MGRN1: variants seen among roughly 807,000 people sequenced by gnomAD.
MGRN1 encodes the protein E3 ubiquitin-protein ligase MGRN1.
A neutral mutation model predicts 69.2 loss-of-function variants in MGRN1; 29 were observed. The observed-to-expected ratio is 0.42, with a 90% confidence interval of 0.31 to 0.57. The LOEUF is 0.57. Among genes scored for constraint, MGRN1 ranks in the 20% least tolerant of loss-of-function variants. The pLI is 0.15. For missense variants in MGRN1, 998 were observed against 796.2 expected, an observed-to-expected ratio of 1.25 and a Z score of -3.05; for synonymous variants, 470 against 344.2, an observed-to-expected ratio of 1.37 and a Z score of -4.04.
intron 10 of MGRN1, 64 bp from the exon 11 acceptor site, chr16:4,677,399 G>T (rs377309672): frequency 0.02 from 27,008 of 1,339,450 alleles, 354 homozygotes; most frequent in Non-Finnish European, 0.023. Flanking sequence ...CCCTGGGGCT[G>T]GGAGGGTCCC....
At chr16:4,680,935 T>C (rs2079169054) in intron 12 of MGRN1, among the ~76,000 whole-genome samples, 1 of 152,178 alleles carries the variant, frequency 6.6e-6, no homozygotes, top group African/African-American at 2.4e-5. Flanking sequence ...CAACCTGGTT[T>C]TGTGGGGACA....
Position 4,657,344 on chromosome 16 carries a change from C to G in MGRN1, c.542C>G (p.Ser181Trp). 6.2e-7 allele frequency: 1 copy of G among 1,614,024 alleles called. No individual in the cohort carries two copies. The highest frequency in any genetic ancestry group is 8.5e-7 in the Non-Finnish European group (1 of 1,179,894). ...FSLPSFKIDF[S>W]EWKDDELNFD... Reference sequence around the variant, plus strand: ...CTGCCCTCCTTCAAGATTGACTTCTCGGAATGGAAGGATGACGAGGTAATG... The same window carrying G: ...CTGCCCTCCTTCAAGATTGACTTCTGGGAATGGAAGGATGACGAGGTAATG... The change falls in exon 5 of 17, where the codon TCG becomes TGG. Residue 181 changes from serine to tryptophan, a missense_variant. Coordinates refer to ENST00000262370, the MANE Select transcript of MGRN1 (RefSeq NM_015246.4).
intron 8 of MGRN1, 69 bp downstream of exon 8, chr16:4,668,381 A>T (rs1391112668): frequency 2.0e-6 from 3 of 1,525,208 alleles, no homozygotes; most frequent in Admixed American, 1.7e-5. Flanking sequence ...TCACACGCAT[A>T]CTCATACATA....
intron 10 of MGRN1, among the ~76,000 whole-genome samples, chr16:4,674,439 C>T (rs1192099169): frequency 6.6e-6 from 1 of 151,618 alleles, no homozygotes; most frequent in African/African-American, 2.4e-5. Context: ...CAGCCCTGCA[C>T]CACCATGCCT....
chr16:4,637,726 G>T (rs1279019632), intron 1 of MGRN1, among the ~76,000 whole-genome samples: 1 of 152,246 alleles, frequency 6.6e-6, no homozygotes, highest in African/African-American at 2.4e-5. Flanking sequence ...CGTGTGTGAG[G>T]CCATCGCCAC....
chr16:4,660,843 G>GC (rs2078661468), intron 5 of MGRN1, among the ~76,000 whole-genome samples: 1 of 152,144 alleles, frequency 6.6e-6, no homozygotes, highest in African/African-American at 2.4e-5. Flanking sequence ...GCCCTGACAG[G>GC]CCCCCCAGAC....
chr16:4,672,266 C>CA lies in MGRN1; in HGVS notation c.795+810dup, dbSNP rs529798411. The CA allele has an allele frequency of 5.4e-3, 2,373 of 439,300 alleles. 11 individuals are homozygous for CA. Among genetic ancestry groups the CA allele is most frequent in the Non-Finnish European group, 7.4e-3 (1,609 of 217,494 alleles). 27.2% of individuals were successfully genotyped at this position (439,300 alleles called of 1,614,324 possible). The stretch of plus-strand genomic sequence containing the variant: ...TTCACTATGTTGGCCAGGCTGGTCT[C>CA]AAACTTCTGATCTCAAGTGATCTGC... On this transcript the variant is annotated intron_variant, in intron 9 of 16. Coordinates refer to ENST00000262370, the MANE Select transcript of MGRN1 (RefSeq NM_015246.4).
intron 12 of MGRN1, among the ~76,000 whole-genome samples, chr16:4,680,921 C>A (rs946290839): frequency 6.6e-6 from 1 of 152,210 alleles, no homozygotes; most frequent in African/African-American, 2.4e-5. Context: ...AGCGTTGTGC[C>A]CCTCAACCTG....
chr16:4,680,396 C>G (rs981210484), intron 12 of MGRN1: 26 of 384,734 alleles, frequency 6.8e-5, no homozygotes, highest in Non-Finnish European at 1.1e-4. Context: ...ATGGACGTTG[C>G]AGGCGGAACT....
chr16:4,676,421 C>T (rs2141960946), intron 10 of MGRN1, among the ~76,000 whole-genome samples: 1 of 152,296 alleles, frequency 6.6e-6, no homozygotes, highest in East Asian at 1.9e-4. Flanking sequence ...AGGGAGGGTG[C>T]CCTGAACCGA....
At chr16:4,651,161 A>G (rs1013061696) in intron 2 of MGRN1, 1 of 152,242 alleles carries the variant, frequency 6.6e-6, no homozygotes, top group African/African-American at 2.4e-5. Context: ...GGCAAGAGAC[A>G]TGGTCCAAAG....
intron 5 of MGRN1, among the ~76,000 whole-genome samples, chr16:4,660,709 G>C (rs1490068083): frequency 6.6e-6 from 1 of 152,256 alleles, no homozygotes; most frequent in Non-Finnish European, 1.5e-5. Context: ...CGGGCTTCAT[G>C]ACAGCCCTTG....
intron 2 of MGRN1, among the ~76,000 whole-genome samples, chr16:4,651,589 G>T (rs1348247378): frequency 6.6e-6 from 1 of 152,098 alleles, no homozygotes; most frequent in Non-Finnish European, 1.5e-5. Flanking sequence ...GGGTTGCTGA[G>T]CTGTGCTCGT....
At chr16:4,655,728 T>C (rs2078522342) in intron 4 of MGRN1, among the ~76,000 whole-genome samples, 1 of 152,112 alleles carries the variant, frequency 6.6e-6, no homozygotes, top group South Asian at 2.1e-4. Flanking sequence ...ACCTGGAGGC[T>C]CCAGGACCTG....
chr16:4,638,831 C>T (rs979128793), intron 1 of MGRN1, among the ~76,000 whole-genome samples: 1 of 152,222 alleles, frequency 6.6e-6, no homozygotes. Context: ...GGCCTTCCCA[C>T]TCCCCCTTCC....
chr16:4,641,859 G>T (rs544024066), intron 1 of MGRN1, among the ~76,000 whole-genome samples: 1 of 152,012 alleles, frequency 6.6e-6, no homozygotes, highest in South Asian at 2.1e-4. Flanking sequence ...TCGCCATGTC[G>T]CCCAGGCTGG....
chr16:4,647,211 G>A (rs2078293150), intron 1 of MGRN1, among the ~76,000 whole-genome samples: 1 of 152,244 alleles, frequency 6.6e-6, no homozygotes, highest in African/African-American at 2.4e-5. Context: ...TCTTGGAGGA[G>A]CAGGCAGGTG....
intron 2 of MGRN1, 39 bp from the exon 3 acceptor site, chr16:4,651,924 C>T (rs758630290): frequency 6.3e-7 from 1 of 1,592,998 alleles, no homozygotes; most frequent in Non-Finnish European, 8.6e-7. Context: ...TTGGCTGCTC[C>T]TGAGGGAGTC....
At position 4,652,813 on chromosome 16, in the gene MGRN1, C is replaced by T. The variant is rs374042280; in HGVS notation, c.432C>T (p.Asn144=). 1.6e-5 allele frequency: 26 copies of T among 1,607,746 alleles called. No individual in the cohort carries two copies. The highest frequency in any genetic ancestry group is 3.3e-5 in the South Asian group (3 of 90,076). ...IYCQASEEFL[N]GRAVYSPKSP... is the part of the protein sequence containing the mutation. ...GCCAGGCATCGGAGGAGTTCCTGAACGGCAGGGCAGTGTGAGTCCCGCGGG... is the reference window on the plus strand; with the variant it reads ...GCCAGGCATCGGAGGAGTTCCTGAATGGCAGGGCAGTGTGAGTCCCGCGGG... The change falls in exon 4 of 17, where the codon AAC becomes AAT. Residue 144 remains asparagine, a synonymous_variant. Coordinates refer to ENST00000262370, the MANE Select transcript of MGRN1 (RefSeq NM_015246.4).
Sources: allele counts gnomAD v4.1 joint callset (sites outside exome capture counted in the v4.1 genomes callset), GRCh38; gene constraint gnomAD v4.1.1; transcripts MANE v1.5; gene names NCBI Gene and HGNC (gene_info 2026-07-23, HGNC 2026-07-21).